The following PIK3CB variants were observed in gnomAD, a reference collection of about 807,000 sequenced individuals.
PIK3CB encodes the protein phosphatidylinositol-4,5-bisphosphate 3-kinase catalytic subunit beta.
In PIK3CB, 39 loss-of-function variants were observed where a neutral mutation model predicts 136.8. The ratio of observed to expected loss-of-function variants is 0.29; its 90% confidence interval spans 0.22 to 0.37. The LOEUF is 0.37. PIK3CB is among the 10% of genes least tolerant of loss of function. The probability of loss-of-function intolerance (pLI) is 1.00; values close to 1 mark genes in which losing one functional copy is unlikely to be tolerated. For synonymous variants in PIK3CB, 428 were observed against 436.6 expected (o/e 0.98, Z 0.25); for missense variants, 868 against 1,275.4 (o/e 0.68, Z 4.87).
chr3:138,768,423 C>A (rs1457477589), intron 2 of PIK3CB, among the ~76,000 whole-genome samples: 1 of 152,180 alleles, frequency 6.6e-6, no homozygotes, highest in African/African-American at 2.4e-5. Flanking sequence ...GAGCCTGGGG[C>A]TTTTATGGGC....
Position 138,759,288 on chromosome 3 carries a change from G to C in PIK3CB, c.56C>G (p.Ala19Gly). ...ATCAGATGCTATCTGTGAATCCACC[G>C]CCCAGATGTCAAGGATGTCTGCCAT... Reference protein sequence around the residue: ...PAMADILDIWAVDSQIASDGS... With the variant: ...PAMADILDIWGVDSQIASDGS... Residue 19 changes from alanine (A) to glycine (G), a missense_variant, in exon 3 of 24, where the codon GCG becomes GGG. Around this residue, in one of 4 missense-constraint regions of PIK3CB, gnomAD observed 612 missense variants for 801.1 expected, o/e 0.76. Transcript: ENST00000674063. The C allele has an allele frequency of 6.2e-7, 1 of 1,612,110 alleles. No homozygotes were observed. Among genetic ancestry groups the C allele is most frequent in the Non-Finnish European group, 8.5e-7 (1 of 1,178,474 alleles).
chr3:138,776,818 G>A (rs1447318945), intron 2 of PIK3CB, among the ~76,000 whole-genome samples: 3 of 151,182 alleles, frequency 2.0e-5, no homozygotes, highest in Non-Finnish European at 2.9e-5. Flanking sequence ...AGCTACTTGG[G>A]AGGCTGAGGT....
In PIK3CB at chr3:138,786,491, C is replaced by T. The variant is rs557207779; in HGVS notation, c.-17+9972G>A. Among the ~76,000 whole-genome samples the T allele has an allele frequency of 2.0e-3, 304 of 151,922 alleles. 2 individuals are homozygous for T. The highest frequency in any genetic ancestry group is 2.6e-3 in the Non-Finnish European group (177 of 67,980). ...TCCTGAGTAGCTGGGATTACAGGCA[C>T]GCACTACCATGCCCAGCTAATTTTT... On this transcript the variant is annotated intron_variant, in intron 2 of 23. Transcript: ENST00000674063.
At chr3:138,807,119 G>A (rs2046242843) in intron 1 of PIK3CB, among the ~76,000 whole-genome samples, 1 of 152,186 alleles carries the variant, frequency 6.6e-6, no homozygotes. Context: ...TGAACCAAAT[G>A]TTTCAAAGTC....
chr3:138,672,274 A>T (rs994836635), intron 19 of PIK3CB, among the ~76,000 whole-genome samples: 1 of 152,134 alleles, frequency 6.6e-6, no homozygotes, highest in African/African-American at 2.4e-5. Context: ...GGCAAGAAAA[A>T]AAAAAAGTTT....
intron 2 of PIK3CB, among the ~76,000 whole-genome samples, chr3:138,788,591 A>G (rs1238879049): frequency 2.3e-5 from 3 of 131,354 alleles, no homozygotes; most frequent in Non-Finnish European, 3.1e-5. Flanking sequence ...TGGGAGACTG[A>G]GGTTGCAGTG....
At chr3:138,784,461 G>A (rs959540777) in intron 2 of PIK3CB, among the ~76,000 whole-genome samples, 3 of 151,482 alleles carry the variant, frequency 2.0e-5, no homozygotes, top group African/African-American at 7.3e-5. Flanking sequence ...CACTTTGCAC[G>A]GTCTCCCTCT....
At chr3:138,734,876 GAAC>G in intron 6 of PIK3CB, 72 bp from the exon 7 acceptor site, 1 of 994,128 alleles carries the variant, frequency 1.0e-6, no homozygotes, top group Non-Finnish European at 1.5e-6. Flanking sequence ...AAATGAAGCT[GAAC>G]AACACTATAT....
chr3:138,711,975 A>G (rs1559833947), intron 10 of PIK3CB, among the ~76,000 whole-genome samples: 1 of 151,814 alleles, frequency 6.6e-6, no homozygotes, highest in Non-Finnish European at 1.5e-5. Context: ...AAATAATAAA[A>G]TAAAATATAG....
intron 1 of PIK3CB, among the ~76,000 whole-genome samples, chr3:138,801,472 T>A (rs1312393459): frequency 6.6e-6 from 1 of 152,112 alleles, no homozygotes; most frequent in African/African-American, 2.4e-5. Context: ...GGCTCATGCC[T>A]GTAATCCTAA....
intron 2 of PIK3CB, among the ~76,000 whole-genome samples, chr3:138,796,219 C>T (rs912486385): frequency 1.3e-5 from 2 of 151,906 alleles, no homozygotes; most frequent in Non-Finnish European, 2.9e-5. Flanking sequence ...CCCGTCTCTA[C>T]TAAAAATACA....
At chr3:138,657,115 C>A (rs921047874) in intron 22 of PIK3CB, among the ~76,000 whole-genome samples, 1 of 152,008 alleles carries the variant, frequency 6.6e-6, no homozygotes, top group Non-Finnish European at 1.5e-5. Context: ...GAAAACTAGA[C>A]CCACTGAGGT....
In PIK3CB at chr3:138,681,373, C is replaced by T. The variant is rs192451150; in HGVS notation, c.2504+594G>A. 4.5e-3 allele frequency among the ~76,000 whole-genome samples: 678 copies of T among 152,190 alleles called. 7 individuals carry two copies. The highest frequency in any genetic ancestry group is 0.014 in the African/African-American group (600 of 41,522). On this transcript the variant is annotated intron_variant, in intron 19 of 23. Transcript: ENST00000674063. Reference sequence around the variant, plus strand: ...TTGTTTTTATACTTTTTATAAAATGCCTTTTCACATCTTTTCCTTATGTTC... The same window carrying T: ...TTGTTTTTATACTTTTTATAAAATGTCTTTTCACATCTTTTCCTTATGTTC...
chr3:138,779,388 C>CTT (rs753018315), intron 2 of PIK3CB, among the ~76,000 whole-genome samples: 54,232 of 111,866 alleles, frequency 0.48, 14,925 homozygotes, highest in East Asian at 0.96. Flanking sequence ...GCCCGGCCTT[C>CTT]TTTTTTTTTT....
At chr3:138,760,405 T>C (rs1255791427) in intron 2 of PIK3CB, among the ~76,000 whole-genome samples, 1 of 152,184 alleles carries the variant, frequency 6.6e-6, no homozygotes, top group Non-Finnish European at 1.5e-5. Flanking sequence ...GCTAGACCTA[T>C]GTTCACATGA....
chr3:138,809,989 T>C (rs1932934640), intron 1 of PIK3CB, among the ~76,000 whole-genome samples: 1 of 151,960 alleles, frequency 6.6e-6, no homozygotes, highest in South Asian at 2.1e-4. Flanking sequence ...CTTGTAGTAA[T>C]GTAACTAAAA....
intron 2 of PIK3CB, among the ~76,000 whole-genome samples, chr3:138,787,503 T>C (rs1022407098): frequency 3.3e-5 from 5 of 152,126 alleles, no homozygotes; most frequent in African/African-American, 9.7e-5. Context: ...TTAATGACAA[T>C]TGCAAACAAG....
intron 8 of PIK3CB, among the ~76,000 whole-genome samples, chr3:138,727,201 T>C (rs2044857888): frequency 6.6e-6 from 1 of 152,108 alleles, no homozygotes; most frequent in Admixed American, 6.5e-5. Context: ...ACATTTGAGA[T>C]TTCTGTTATA....
chr3:138,819,615 C>T (rs992705887), intron 1 of PIK3CB, among the ~76,000 whole-genome samples: 1 of 152,040 alleles, frequency 6.6e-6, no homozygotes, highest in Non-Finnish European at 1.5e-5. Flanking sequence ...ATACTGATGC[C>T]GAGGTATCAT....
Sources: gnomAD v4.1 joint callset for allele counts (sites outside exome capture counted in the v4.1 genomes callset) on GRCh38, gnomAD v4.1.1 for gene constraint, gnomAD v4.1.1 regional missense constraint, MANE v1.5 for transcripts, NCBI Gene and HGNC (gene_info 2026-07-23, HGNC 2026-07-21) for gene names.